Variants in GABRB1 observed in about 807,000 individuals in gnomAD.
The protein encoded by GABRB1 is gamma-aminobutyric acid receptor subunit beta-1.
Under a neutral mutation model 51.6 loss-of-function variants are expected in GABRB1, and 17 were observed. The ratio of observed to expected loss-of-function variants is 0.33; its 90% CI spans 0.23 to 0.49. The LOEUF is 0.49. Among genes scored for constraint, GABRB1 ranks in the 20% least tolerant of loss-of-function variants. The pLI, the probability that GABRB1 is intolerant of heterozygous loss-of-function variation, is 0.99. For missense variants in GABRB1, 410 were observed against 600.6 expected, an observed-to-expected ratio of 0.68 and a Z score of 3.32; for synonymous variants, 247 against 218.9, an observed-to-expected ratio of 1.13 and a Z score of -1.14.
intron 4 of GABRB1, among the ~76,000 whole-genome samples, chr4:47,285,923 G>A (rs1304088347): frequency 1.3e-5 from 2 of 152,184 alleles, no homozygotes; most frequent in Non-Finnish European, 2.9e-5. Flanking sequence ...GAAAAGGGAG[G>A]AAGTAAGTTA....
chr4:47,125,765 C>T (rs559832747), intron 3 of GABRB1, among the ~76,000 whole-genome samples: 60 of 147,094 alleles, frequency 4.1e-4, no homozygotes, highest in African/African-American at 1.4e-3. Context: ...CCGTTTTAGC[C>T]GGGATGGTCT....
chr4:47,205,154 C>G (rs942714622), intron 4 of GABRB1, among the ~76,000 whole-genome samples: 10 of 152,134 alleles, frequency 6.6e-5, no homozygotes, highest in Non-Finnish European at 1.3e-4. Flanking sequence ...ACTTCTAATT[C>G]TAAGGCTTAA....
At chr4:47,369,480 G>C (rs1236095757) in intron 5 of GABRB1, among the ~76,000 whole-genome samples, 5 of 151,400 alleles carry the variant, frequency 3.3e-5, no homozygotes, top group African/African-American at 1.2e-4. Context: ...TACAAAATAG[G>C]TAATTTCCTC....
rs557734618 is a variant in GABRB1, at chr4:47,296,051, C to G, written c.462-24076C>G. Among the ~76,000 whole-genome samples the G allele has an allele frequency of 8.9e-4, 136 of 152,140 alleles. 1 individual carries two copies. Among genetic ancestry groups the G allele is most frequent in the Non-Finnish European group, 1.2e-4 (8 of 68,000 alleles). On this transcript the variant is annotated intron_variant, in intron 4 of 8. Transcript: ENST00000295454. ...AGAAATAAAATACTTTACAGACAAGCAAATGCTGAGAGATTTTGTCACCAC... is the reference window on the plus strand; with the variant it reads ...AGAAATAAAATACTTTACAGACAAGGAAATGCTGAGAGATTTTGTCACCAC...
At chr4:47,329,175 T>G (rs1578098358) in intron 5 of GABRB1, among the ~76,000 whole-genome samples, 1 of 152,018 alleles carries the variant, frequency 6.6e-6, no homozygotes, top group African/African-American at 2.4e-5. Context: ...CATTTTAAGG[T>G]AATTTCATTC....
intron 3 of GABRB1, among the ~76,000 whole-genome samples, chr4:47,062,632 TTTTTCTATAGCCTTCTAA>T (rs2109530187): frequency 6.6e-6 from 1 of 152,236 alleles, no homozygotes; most frequent in East Asian, 1.9e-4. Flanking sequence ...ATTCAAAAGA[TTTTTCTATAGCCTTCTAA>T]TTCTCATCAA....
At chr4:47,202,420 G>A (rs977017860) in intron 4 of GABRB1, among the ~76,000 whole-genome samples, 2 of 152,066 alleles carry the variant, frequency 1.3e-5, no homozygotes, top group African/African-American at 4.8e-5. Context: ...TGTGAAAATG[G>A]ACTAATACAG....
intron 4 of GABRB1, among the ~76,000 whole-genome samples, chr4:47,234,891 C>T (rs898177550): frequency 3.9e-5 from 6 of 152,216 alleles, no homozygotes; most frequent in African/African-American, 1.4e-4. Context: ...GTGCCTCACA[C>T]TGTTCTATTT....
chr4:47,378,568 G>T (rs1277500304), intron 5 of GABRB1, among the ~76,000 whole-genome samples: 2 of 152,220 alleles, frequency 1.3e-5, no homozygotes, highest in Non-Finnish European at 2.9e-5. Context: ...CAGAGGAGGC[G>T]CCGAGAGCCA....
chr4:47,295,652 G>A (rs555653436), intron 4 of GABRB1, among the ~76,000 whole-genome samples: 27 of 152,320 alleles, frequency 1.8e-4, no homozygotes, highest in South Asian at 8.3e-4. Flanking sequence ...TGAAAGTGAC[G>A]GGGAGAATGG....
chr4:47,247,684 T>C (rs532098339), intron 4 of GABRB1, among the ~76,000 whole-genome samples: 2 of 152,214 alleles, frequency 1.3e-5, no homozygotes, highest in Admixed American at 1.3e-4. Context: ...GTGTCATCTA[T>C]GATTTCCTTC....
chr4:47,234,768 T>G (rs1430279369), intron 4 of GABRB1, among the ~76,000 whole-genome samples: 1 of 152,184 alleles, frequency 6.6e-6, no homozygotes, highest in Non-Finnish European at 1.5e-5. Flanking sequence ...AAAATGTAAA[T>G]TCTCCTTTTT....
At chr4:47,321,271 A>G (rs1435111111) in intron 5 of GABRB1, among the ~76,000 whole-genome samples, 1 of 152,216 alleles carries the variant, frequency 6.6e-6, no homozygotes, top group Non-Finnish European at 1.5e-5. Context: ...GAAAATGGAA[A>G]AATTCCAGGT....
chr4:47,208,440 G>A (rs1387387273), intron 4 of GABRB1, among the ~76,000 whole-genome samples: 1 of 152,028 alleles, frequency 6.6e-6, no homozygotes, highest in Non-Finnish European at 1.5e-5. Flanking sequence ...CATTGTGGAT[G>A]TAAATAATGT....
At position 47,042,413 on chromosome 4, in the gene GABRB1, A is replaced by ATAT. The variant is rs1560507979; in HGVS notation, c.240+9929_240+9930insTAT. Among the ~76,000 whole-genome samples the ATAT allele has an allele frequency of 3.2e-4, 14 of 43,456 alleles. No individual in the cohort carries two copies. In the South Asian group the frequency reaches 6.6e-3, roughly 21 times the overall value. The allele number at this position is 43,456 out of a possible 152,430, so 28.5% of individuals were successfully genotyped here. On this transcript the variant is annotated intron_variant, in intron 3 of 8. Transcript: ENST00000295454. ...TGTGTACATGTATGTGTATGTGTACAGTATATATATATATATATATATATA... is the reference window on the plus strand; with the variant it reads ...TGTGTACATGTATGTGTATGTGTACATATGTATATATATATATATATATATATA...
chr4:47,022,872 G>A (rs779489985), intron 1 of GABRB1, among the ~76,000 whole-genome samples: 7 of 152,028 alleles, frequency 4.6e-5, no homozygotes, highest in Middle Eastern at 3.2e-3. Context: ...TATCTCCACT[G>A]CTATGTTTGC....
intron 5 of GABRB1, among the ~76,000 whole-genome samples, chr4:47,379,245 C>T (rs145758980): frequency 6.6e-4 from 100 of 152,250 alleles, no homozygotes; most frequent in African/African-American, 2.3e-3. Flanking sequence ...TACTATACCA[C>T]AGATGGTCCC....
At chr4:47,286,882 T>C (rs538727102) in intron 4 of GABRB1, among the ~76,000 whole-genome samples, 3 of 152,354 alleles carry the variant, frequency 2.0e-5, no homozygotes, top group African/African-American at 7.2e-5. Context: ...AATTGATAAC[T>C]ATGATGCCCC....
chr4:47,148,498 C>G (rs1416654901), intron 3 of GABRB1, among the ~76,000 whole-genome samples: 1 of 152,010 alleles, frequency 6.6e-6, no homozygotes, highest in Non-Finnish European at 1.5e-5. Flanking sequence ...CTGTCACTTA[C>G]AAATAATTTC....
Sources: gnomAD v4.1 joint callset for allele counts (sites outside exome capture counted in the v4.1 genomes callset) on GRCh38, gnomAD v4.1.1 for gene constraint, MANE v1.5 for transcripts, NCBI Gene and HGNC (gene_info 2026-07-23, HGNC 2026-07-21) for gene names.